The following TCF4 variants were observed in gnomAD, a reference collection of about 807,000 sequenced individuals.
TCF4 encodes transcription factor 4, also known as SL3-3 enhancer factor 2.
A neutral mutation model predicts 82.1 loss-of-function variants in TCF4; 3 were observed. That is an observed-to-expected ratio of 0.04 (90% CI 0.02 to 0.09). The LOEUF is 0.09. Ranked by LOEUF, TCF4 falls within the 10% of genes least tolerant of loss-of-function variation. TCF4 has a pLI of 1.00. For missense variants in TCF4, 518 were observed against 852.7 expected, an observed-to-expected ratio of 0.61 and a Z score of 4.89; for synonymous variants, 276 against 309.6, an observed-to-expected ratio of 0.89 and a Z score of 1.14.
At chr18:55,509,618 T>C (rs1322558570) in intron 3 of TCF4, among the ~76,000 whole-genome samples, 1 of 152,204 alleles carries the variant, frequency 6.6e-6, no homozygotes, top group African/African-American at 2.4e-5. Context: ...AGTGGCTTAA[T>C]GTGACATCCA....
At chr18:55,453,917 T>C (rs1443891023) in intron 5 of TCF4, among the ~76,000 whole-genome samples, 1 of 151,916 alleles carries the variant, frequency 6.6e-6, no homozygotes, top group Admixed American at 6.6e-5. Flanking sequence ...GCAAGTGCAG[T>C]GGCACAATCA....
intron 2 of TCF4, among the ~76,000 whole-genome samples, chr18:55,622,160 C>CAG: frequency 7.7e-6 from 1 of 130,708 alleles, no homozygotes; most frequent in Middle Eastern, 3.8e-3. Context: ...TACACACACA[C>CAG]ACACACACAC....
intron 3 of TCF4, among the ~76,000 whole-genome samples, chr18:55,488,682 C>G (rs1045747627): frequency 2.4e-4 from 36 of 152,192 alleles, no homozygotes; most frequent in African/African-American, 8.7e-4. Context: ...AAGCAAACGG[C>G]TGTTCAAACA....
intron 3 of TCF4, among the ~76,000 whole-genome samples, chr18:55,485,849 T>C (rs2096506800): frequency 6.6e-6 from 1 of 152,212 alleles, no homozygotes; most frequent in Non-Finnish European, 1.5e-5. Flanking sequence ...TCACTCTGGA[T>C]CAGCTACCAT....
At chr18:55,353,457 G>C (rs2082732093) in intron 6 of TCF4, among the ~76,000 whole-genome samples, 1 of 152,046 alleles carries the variant, frequency 6.6e-6, no homozygotes, top group Non-Finnish European at 1.5e-5. Context: ...GCACATTCCT[G>C]TTTCTTTCTC....
intron 3 of TCF4, among the ~76,000 whole-genome samples, chr18:55,513,084 T>C (rs2096844671): frequency 6.6e-6 from 1 of 152,166 alleles, no homozygotes; most frequent in Admixed American, 6.5e-5. Context: ...TGGATTTCTG[T>C]CAGGGTGTAA....
In TCF4 at chr18:55,394,678, G is replaced by A. The variant is rs78715979; in HGVS notation, c.369+8776C>T. On this transcript the variant is annotated intron_variant, in intron 6 of 19. Coordinates refer to ENST00000354452, the MANE Select transcript of TCF4 (RefSeq NM_001083962.2). ...AAAGCAACATTTGCATGTTGGAAAT[G>A]CTAAGGCAAATGCAAAGAAATATTC... Among the ~76,000 whole-genome samples the A allele has an allele frequency of 3.2e-3, 492 of 152,306 alleles. 1 individual carries two copies. The highest frequency in any genetic ancestry group is 4.8e-3 in the Non-Finnish European group (327 of 68,026).
intron 15 of TCF4, among the ~76,000 whole-genome samples, chr18:55,247,520 G>T (rs114182632): frequency 0.013 from 2,011 of 152,276 alleles, 41 homozygotes; most frequent in African/African-American, 0.046. Flanking sequence ...TAGCAAAACA[G>T]GATATTGTTA....
intron 8 of TCF4, among the ~76,000 whole-genome samples, chr18:55,290,352 A>G (rs2064762579): frequency 6.6e-6 from 1 of 152,182 alleles, no homozygotes; most frequent in Admixed American, 6.5e-5. Context: ...AAAAGCCTAC[A>G]TCCCTGAAAG....
chr18:55,228,827 G>A lies in TCF4; in HGVS notation c.1879+20C>T, dbSNP rs747236692. 6.2e-7 allele frequency: 1 copy of A among 1,613,422 alleles called. No homozygotes were observed. Among genetic ancestry groups the A allele is most frequent in the South Asian group, 1.1e-5 (1 of 91,042 alleles). Reference sequence around the variant, plus strand: ...CACAAGCTCCTCACGAGCTCTGCAAGGAGGCTGGCCTGCACTGACCTCGGA... The same window carrying A: ...CACAAGCTCCTCACGAGCTCTGCAAAGAGGCTGGCCTGCACTGACCTCGGA... On this transcript the variant is annotated intron_variant, in intron 18 of 19. Coordinates refer to ENST00000354452, the MANE Select transcript of TCF4 (RefSeq NM_001083962.2).
chr18:55,484,489 T>C (rs927871324), intron 3 of TCF4, among the ~76,000 whole-genome samples: 6 of 152,214 alleles, frequency 3.9e-5, no homozygotes, highest in Admixed American at 2.0e-4. Flanking sequence ...AATTCACCTA[T>C]GAAGAAAAGT....
At chr18:55,391,955 CT>C (rs1212656712) in intron 6 of TCF4, among the ~76,000 whole-genome samples, 590 of 61,666 alleles carry the variant, frequency 9.6e-3, no homozygotes, top group African/African-American at 0.047. Flanking sequence ...AAAAAAAAAT[CT>C]TTTTTTTTTT....
intron 3 of TCF4, among the ~76,000 whole-genome samples, chr18:55,511,026 C>G (rs1164598100): frequency 1.3e-5 from 2 of 152,158 alleles, no homozygotes; most frequent in African/African-American, 4.8e-5. Flanking sequence ...CAACATGCCT[C>G]TCTTGGAGAT....
At chr18:55,403,910 G>A (rs1050408585) in intron 5 of TCF4, 102 of 1,423,912 alleles carry the variant, frequency 7.2e-5, no homozygotes, top group Non-Finnish European at 9.1e-5. Flanking sequence ...TGATTATATT[G>A]ACACTTAATA....
chr18:55,229,390 T>A (rs1485033839), intron 17 of TCF4: 1 of 416,780 alleles, frequency 2.4e-6, no homozygotes, highest in African/African-American at 2.0e-5. Context: ...GCTTTTTTTA[T>A]TCAATGGGGT....
In TCF4 at chr18:55,350,954, G is replaced by A. The variant is rs867999603; in HGVS notation, c.419C>T (p.Ser140Leu). ...GTACTGGGAACCAGGTTTGGTGGGC[G>A]AAAGGGTTCCTGGGTTGCCCATATC... ...DMDMGNPGTL[S>L]PTKPGSQYYQ... Residue 140 changes from serine (S) to leucine (L), a missense_variant, in exon 7 of 20, where the codon TCG becomes TTG. This residue lies in a region of TCF4 where 211 missense variants were observed against 327.4 expected (regional missense o/e 0.64). Transcript: ENST00000354452. The A allele has an allele frequency of 3.1e-6, 5 of 1,613,608 alleles. No individual in the cohort carries two copies. Among genetic ancestry groups the A allele is most frequent in the Non-Finnish European group, 4.2e-6 (5 of 1,179,606 alleles).
intron 6 of TCF4, among the ~76,000 whole-genome samples, chr18:55,377,610 C>T (rs1430702439): frequency 1.3e-5 from 2 of 152,240 alleles, no homozygotes; most frequent in African/African-American, 2.4e-5. Context: ...GCACCATAGC[C>T]TTTATGCAGA....
chr18:55,353,491 C>A (rs2082738276), intron 6 of TCF4, among the ~76,000 whole-genome samples: 1 of 152,140 alleles, frequency 6.6e-6, no homozygotes, highest in Admixed American at 6.6e-5. Flanking sequence ...GTTCCTATTT[C>A]TTTCTCACTT....
intron 3 of TCF4, among the ~76,000 whole-genome samples, chr18:55,505,615 T>TA (rs1390753992): frequency 6.6e-6 from 1 of 151,528 alleles, no homozygotes; most frequent in African/African-American, 2.4e-5. Flanking sequence ...CCATCCCGGC[T>TA]AAAACGGTGA....
Sources: gnomAD v4.1 joint callset for allele counts (sites outside exome capture counted in the v4.1 genomes callset) on GRCh38, gnomAD v4.1.1 for gene constraint, gnomAD v4.1.1 regional missense constraint, MANE v1.5 for transcripts, NCBI Gene and HGNC (gene_info 2026-07-23, HGNC 2026-07-21) for gene names.